GALNT13: variants seen among roughly 807,000 people sequenced by gnomAD.
The protein encoded by GALNT13 is UDP-GalNAc:polypeptide N-acetylgalactosaminyltransferase 13.
GALNT13 carries 28 observed loss-of-function variants against 64.2 expected under a neutral mutation model. The ratio of observed to expected loss-of-function variants is 0.44; its 90% confidence interval spans 0.32 to 0.60. The LOEUF (loss-of-function observed/expected upper bound fraction) is 0.60. Ranked by LOEUF, GALNT13 falls within the 20% of genes least tolerant of loss-of-function variation. GALNT13 has a pLI of 0.05. For synonymous variants in GALNT13, 214 were observed against 224.6 expected (o/e 0.95, Z 0.42); for missense variants, 577 against 669.8 (o/e 0.86, Z 1.53).
At chr2:154,171,396 A>T (rs1317313548) in intron 4 of GALNT13, among the ~76,000 whole-genome samples, 2 of 152,100 alleles carry the variant, frequency 1.3e-5, no homozygotes, top group African/African-American at 4.8e-5. Context: ...GCATGCTATA[A>T]ATTTGTGTGT....
intron 3 of GALNT13, among the ~76,000 whole-genome samples, chr2:153,964,834 A>G (rs1182422240): frequency 6.6e-6 from 1 of 152,060 alleles, no homozygotes; most frequent in Non-Finnish European, 1.5e-5. Context: ...AAATTAATAT[A>G]TTATGGGCAT....
At chr2:154,120,943 TC>T (rs1213169308) in intron 3 of GALNT13, among the ~76,000 whole-genome samples, 2 of 152,240 alleles carry the variant, frequency 1.3e-5, no homozygotes, top group Non-Finnish European at 2.9e-5. Flanking sequence ...CATTCTGTTT[TC>T]CCTAGTGTTC....
At chr2:154,130,409 C>T (rs1682542307) in intron 3 of GALNT13, among the ~76,000 whole-genome samples, 2 of 152,128 alleles carry the variant, frequency 1.3e-5, no homozygotes, top group Non-Finnish European at 2.9e-5. Flanking sequence ...CCGCCCTCAA[C>T]AAAGTTTCAC....
the GALNT13 span, among the ~76,000 whole-genome samples, chr2:153,128,538 C>T: frequency 6.6e-6 from 1 of 152,048 alleles, no homozygotes; most frequent in Non-Finnish European, 1.5e-5. Context: ...CAGAGCCAAA[C>T]CATATCAGCT....
chr2:153,278,846 T>C, the GALNT13 span, among the ~76,000 whole-genome samples: 1 of 152,172 alleles, frequency 6.6e-6, no homozygotes, highest in African/African-American at 2.4e-5. Context: ...TGTCTCCTTT[T>C]TGGTCCCATA....
chr2:153,402,145 A>T, the GALNT13 span, among the ~76,000 whole-genome samples: 136,554 of 136,556 alleles, frequency 1, 68,276 homozygotes, highest in Middle Eastern at 1. Context: ...TCTCTCAGCA[A>T]TTGCTTGTCT....
At chr2:153,978,716 G>A (rs1694245264) in intron 3 of GALNT13, among the ~76,000 whole-genome samples, 1 of 152,066 alleles carries the variant, frequency 6.6e-6, no homozygotes, top group Non-Finnish European at 1.5e-5. Context: ...TTTCTTCCCA[G>A]TTTTGGGTAT....
At chr2:154,361,787 T>C (rs1181795900) in intron 9 of GALNT13, among the ~76,000 whole-genome samples, 1 of 152,154 alleles carries the variant, frequency 6.6e-6, no homozygotes, top group Non-Finnish European at 1.5e-5. Flanking sequence ...TAAGCATGAT[T>C]AGGCTTTTTA....
At chr2:153,484,986 G>C in the GALNT13 span, among the ~76,000 whole-genome samples, 3 of 152,302 alleles carry the variant, frequency 2.0e-5, no homozygotes, top group Middle Eastern at 3.4e-3. Context: ...ACCCCAGAAA[G>C]ACTGTTCTTG....
chr2:153,175,265 A>G, the GALNT13 span, among the ~76,000 whole-genome samples: 1 of 152,152 alleles, frequency 6.6e-6, no homozygotes, highest in Non-Finnish European at 1.5e-5. Flanking sequence ...TCTGTCCCTA[A>G]ACTTTGTAGG....
chr2:153,798,644 A>G, the GALNT13 span, among the ~76,000 whole-genome samples: 2 of 152,166 alleles, frequency 1.3e-5, no homozygotes, highest in African/African-American at 2.4e-5. Context: ...ATTCAAAGAA[A>G]AACTCCCGTG....
chr2:153,323,735 G>T, the GALNT13 span, among the ~76,000 whole-genome samples: 108,565 of 152,034 alleles, frequency 0.71, 39,895 homozygotes, highest in Non-Finnish European at 0.8. Flanking sequence ...ACACCATTTA[G>T]TAAATGGGAA....
chr2:153,290,424 G>A, the GALNT13 span, among the ~76,000 whole-genome samples: 102 of 152,220 alleles, frequency 6.7e-4, 1 homozygote, highest in South Asian at 0.016. Context: ...TTTACTCTCC[G>A]AAAGTTATTA....
chr2:154,426,698 T>C (rs1229697386), intron 11 of GALNT13, among the ~76,000 whole-genome samples: 1 of 152,156 alleles, frequency 6.6e-6, no homozygotes, highest in Non-Finnish European at 1.5e-5. Flanking sequence ...CAGGGCAGAG[T>C]CAAGTATTAA....
At chr2:153,649,314 C>T in the GALNT13 span, among the ~76,000 whole-genome samples, 6 of 151,974 alleles carry the variant, frequency 3.9e-5, no homozygotes, top group South Asian at 2.1e-4. Flanking sequence ...GGTGATATCC[C>T]CTTTATCATT....
At chr2:153,676,848 T>C in the GALNT13 span, among the ~76,000 whole-genome samples, 1 of 152,222 alleles carries the variant, frequency 6.6e-6, no homozygotes, top group African/African-American at 2.4e-5. Context: ...TTAAATAGCC[T>C]CAATGACCTA....
At chr2:153,963,217 G>T (rs184935509) in intron 3 of GALNT13, among the ~76,000 whole-genome samples, 1 of 152,090 alleles carries the variant, frequency 6.6e-6, no homozygotes, top group African/African-American at 2.4e-5. Flanking sequence ...TAGGACAGAG[G>T]TCTCACTATC....
intron 9 of GALNT13, among the ~76,000 whole-genome samples, chr2:154,381,716 C>A (rs925667519): frequency 2.0e-5 from 3 of 152,066 alleles, no homozygotes; most frequent in East Asian, 1.9e-4. Context: ...TATTTCCAAG[C>A]CTCAGGTTAT....
the GALNT13 span, among the ~76,000 whole-genome samples, chr2:153,101,461 G>A: frequency 2.0e-5 from 3 of 152,182 alleles, no homozygotes; most frequent in Non-Finnish European, 2.9e-5. Context: ...ATCTGTTGTG[G>A]TTTTACTGTT....
Sources: gnomAD v4.1 joint callset for allele counts (sites outside exome capture counted in the v4.1 genomes callset) on GRCh38, gnomAD v4.1.1 for gene constraint, MANE v1.5 for transcripts, NCBI Gene and HGNC (gene_info 2026-07-23, HGNC 2026-07-21) for gene names.